SFMBT2: variants seen among roughly 807,000 people sequenced by gnomAD.
SFMBT2 encodes the protein Scm like with four mbt domains 2.
SFMBT2 carries 38 observed loss-of-function variants against 110.1 expected under a neutral mutation model. The observed-to-expected ratio is 0.35, with a 90% confidence interval of 0.27 to 0.45. The LOEUF (loss-of-function observed/expected upper bound fraction) is 0.45, where lower values mean the gene tolerates loss of function less well. Ranked by LOEUF, SFMBT2 falls within the 20% of genes least tolerant of loss-of-function variation. The pLI is 1.00. For synonymous variants in SFMBT2, 425 were observed against 425.4 expected, an observed-to-expected ratio of 1.00 and a Z score of 0.01; for missense variants, 1,011 against 1,094.9, an observed-to-expected ratio of 0.92 and a Z score of 1.08.
rs188871987 is a variant in SFMBT2, at chr10:7,279,201, G to C, written c.773-2212C>G. 1.4e-3 allele frequency among the ~76,000 whole-genome samples: 215 copies of C among 152,274 alleles called. 3 individuals are homozygous for C. Among genetic ancestry groups the C allele is most frequent in the African/African-American group, 4.8e-3 (198 of 41,556 alleles). ...TCACGGAGAGGATGCTCTGGCCCCA[G>C]TGGGGTTGCCTGCACGCTGGCCCAG... On this transcript the variant is annotated intron_variant, in intron 6 of 20. Transcript: ENST00000397167.
chr10:7,244,198 C>T (rs553875048), intron 8 of SFMBT2: 1 of 245,970 alleles, frequency 4.1e-6, no homozygotes, highest in Admixed American at 6.5e-5. Context: ...CCCTCCAGCC[C>T]GAGAGGAAAT....
At chr10:7,175,874 G>A in intron 17 of SFMBT2, 116 bp downstream of exon 17, 1 of 931,798 alleles carries the variant, frequency 1.1e-6, no homozygotes, top group Non-Finnish European at 1.6e-6. Context: ...AATTCCTATG[G>A]AAGACTAGTC....
chr10:7,391,095 GACTC>G (rs1845751254), intron 1 of SFMBT2, among the ~76,000 whole-genome samples: 1 of 151,784 alleles, frequency 6.6e-6, no homozygotes, highest in Non-Finnish European at 1.5e-5. Flanking sequence ...GTGAGACTCC[GACTC>G]ACTCAGTCAA....
In SFMBT2 at chr10:7,171,882, G is replaced by T. The variant is rs375727319; in HGVS notation, c.2415+13C>A. 5.7e-6 allele frequency: 8 copies of T among 1,409,236 alleles called. No homozygotes were observed. The highest frequency in any genetic ancestry group is 3.1e-5 in the Admixed American group (1 of 32,496). 87.3% of individuals were successfully genotyped at this position (1,409,236 alleles called of 1,614,324 possible). The stretch of plus-strand genomic sequence containing the variant: ...CCAGCGGGAAGCCCTCTGTCCCCAC[G>T]CCCGGGCATCACCTCTGTCCCCTCG... On this transcript the variant is annotated intron_variant, in intron 19 of 20. Coordinates refer to ENST00000397167, the MANE Select transcript of SFMBT2 (RefSeq NM_001387889.1). The surrounding 1 kb of genome is among the most constrained non-coding windows in gnomAD (Gnocchi z 4.9).
chr10:7,361,888 C>T lies in SFMBT2; in HGVS notation c.436+5761G>A, dbSNP rs117619334. Among the ~76,000 whole-genome samples the T allele has an allele frequency of 1.9e-4, 29 of 152,246 alleles. No homozygotes were observed. In the East Asian group the frequency reaches 5.4e-3, roughly 28 times the overall value. ...ATCTTTTTGGGGGCTCGGCAGGCAC[C>T]GACTAAATCTCCAAAGCTCCCCAGC... On this transcript the variant is annotated intron_variant, in intron 4 of 20. Coordinates refer to ENST00000397167, the MANE Select transcript of SFMBT2 (RefSeq NM_001387889.1).
rs574288384 is a variant in SFMBT2 at position 7,163,098 on chromosome 10, G to A, written c.*672C>T. 3.0e-5 allele frequency: 5 copies of A among 164,796 alleles called. No homozygotes were observed. The highest frequency in any genetic ancestry group is 1.9e-4 in the East Asian group (1 of 5,384). The allele number at this position is 164,796 out of a possible 1,614,324, so 10.2% of individuals were successfully genotyped here. On this transcript the variant is annotated 3_prime_UTR_variant, in exon 21 of 21. Coordinates refer to ENST00000397167, the MANE Select transcript of SFMBT2 (RefSeq NM_001387889.1). This position sits in a 1 kb window ranked among gnomAD's most constrained non-coding sequence, Gnocchi z 4.8. The stretch of plus-strand genomic sequence containing the variant: ...AACCTGGGCGACAGAGCAAGACCCT[G>A]TCTCAAAAAACACAACAAAATGAAC...
At chr10:7,309,143 G>A (rs568903658) in intron 4 of SFMBT2, among the ~76,000 whole-genome samples, 25 of 152,312 alleles carry the variant, frequency 1.6e-4, no homozygotes, top group East Asian at 1.4e-3. Context: ...ACAGCCCTCC[G>A]TCATGTGGAT....
chr10:7,300,252 G>A (rs905222056), intron 4 of SFMBT2, among the ~76,000 whole-genome samples: 1 of 150,922 alleles, frequency 6.6e-6, no homozygotes, highest in Non-Finnish European at 1.5e-5. Flanking sequence ...CATAACCTAT[G>A]TAACAAACCT....
chr10:7,220,387 C>G, intron 11 of SFMBT2, 24 bp downstream of exon 11: 1 of 1,609,812 alleles, frequency 6.2e-7, no homozygotes, highest in Non-Finnish European at 8.5e-7. Context: ...CCCCCAGCGA[C>G]TGCTACCCCC....
intron 20 of SFMBT2, among the ~76,000 whole-genome samples, chr10:7,165,148 G>A (rs1163209705): frequency 6.6e-6 from 1 of 152,098 alleles, no homozygotes; most frequent in African/African-American, 2.4e-5. Context: ...GAGATTGCAG[G>A]CCCCAGGCAA....
intron 7 of SFMBT2, among the ~76,000 whole-genome samples, chr10:7,272,881 C>T (rs765990426): frequency 1.1e-4 from 17 of 152,326 alleles, no homozygotes; most frequent in Non-Finnish European, 2.4e-4. Context: ...CAACCTCTGC[C>T]TCCCGGGTTC....
At chr10:7,203,792 T>G (rs143390736) in intron 12 of SFMBT2, 3 of 313,462 alleles carry the variant, frequency 9.6e-6, no homozygotes, top group Non-Finnish European at 1.4e-5. Context: ...CTCAGTTCAC[T>G]GCAACCTCTG....
chr10:7,387,003 CT>C (rs1467969366), intron 1 of SFMBT2, among the ~76,000 whole-genome samples: 3 of 152,180 alleles, frequency 2.0e-5, no homozygotes, highest in Non-Finnish European at 4.4e-5. Context: ...TTACAGTTCC[CT>C]TTCCCCCATT....
At chr10:7,349,139 C>T (rs193260372) in intron 4 of SFMBT2, among the ~76,000 whole-genome samples, 2 of 152,322 alleles carry the variant, frequency 1.3e-5, no homozygotes, top group Non-Finnish European at 2.9e-5. Flanking sequence ...TCACAAGAAT[C>T]ACAGACCTCT....
chr10:7,360,721 C>A (rs892420519), intron 4 of SFMBT2, among the ~76,000 whole-genome samples: 1 of 152,178 alleles, frequency 6.6e-6, no homozygotes, highest in Non-Finnish European at 1.5e-5. Context: ...CATACCTACT[C>A]TCTCTGTCAC....
chr10:7,387,958 A>AAAAAGG (rs1845660460), intron 1 of SFMBT2, among the ~76,000 whole-genome samples: 1 of 151,638 alleles, frequency 6.6e-6, no homozygotes, highest in Non-Finnish European at 1.5e-5. Context: ...AAAAAAAAAA[A>AAAAAGG]AAAAGGTAGA....
At chr10:7,220,653 T>A in intron 10 of SFMBT2, 116 bp from the exon 11 acceptor site, 2 of 1,056,878 alleles carry the variant, frequency 1.9e-6, no homozygotes, top group Non-Finnish European at 2.8e-6. Flanking sequence ...CAAGACAGGC[T>A]CACGTATGTG....
chr10:7,269,744 GTGTGTGTGTGTGTGTC>G (rs1422313803), intron 7 of SFMBT2, among the ~76,000 whole-genome samples: 40 of 90,260 alleles, frequency 4.4e-4, no homozygotes, highest in Middle Eastern at 8.5e-3. Flanking sequence ...GTGTGTGTGT[GTGTGTGTGTGTGTGTC>G]TCTTTTTGGA....
At chr10:7,292,172 C>G (rs569572574) in intron 4 of SFMBT2, 134 of 201,960 alleles carry the variant, frequency 6.6e-4, no homozygotes, top group African/African-American at 3.0e-3. Flanking sequence ...GAAACTCCTC[C>G]CAGCTCACAA....
Sources: allele counts gnomAD v4.1 joint callset (sites outside exome capture counted in the v4.1 genomes callset), GRCh38; gene constraint gnomAD v4.1.1; non-coding constraint Gnocchi (gnomAD v3.1); transcripts MANE v1.5; gene names NCBI Gene and HGNC (gene_info 2026-07-23, HGNC 2026-07-21).